GABRA2: variants seen among roughly 807,000 people sequenced by gnomAD.
GABRA2 encodes gamma-aminobutyric acid type A receptor subunit alpha2, also known as gamma-aminobutyric acid receptor subunit alpha-2.
A neutral mutation model predicts 48.7 loss-of-function variants in GABRA2; 16 were observed. That is an observed-to-expected ratio of 0.33 (90% confidence interval 0.22 to 0.50). GABRA2 has a LOEUF of 0.50. Among genes scored for constraint, GABRA2 ranks in the 20% least tolerant of loss-of-function variants. GABRA2 has a pLI of 0.98. For missense variants in GABRA2, 275 were observed against 535.6 expected (o/e 0.51, Z 4.80); for synonymous variants, 185 against 184.5 (o/e 1.00, Z -0.02).
chr4:46,254,452 G>A (rs534068852), intron 9 of GABRA2, among the ~76,000 whole-genome samples: 2 of 151,424 alleles, frequency 1.3e-5, no homozygotes, highest in South Asian at 2.1e-4. Flanking sequence ...AGAAAAGTTC[G>A]GATAGTTCTG....
chr4:46,318,891 A>G (rs1309815667), intron 4 of GABRA2, among the ~76,000 whole-genome samples: 1 of 151,428 alleles, frequency 6.6e-6, no homozygotes, highest in Non-Finnish European at 1.5e-5. Flanking sequence ...AAATCCATAC[A>G]CTCCAAGATT....
chr4:46,367,544 A>G (rs1714231196), intron 3 of GABRA2: 2 of 152,068 alleles, frequency 1.3e-5, no homozygotes, highest in Admixed American at 6.6e-5. Flanking sequence ...CAAATGGCAA[A>G]CCTCTTTATT....
At chr4:46,336,914 C>A (rs1025272280) in intron 3 of GABRA2, among the ~76,000 whole-genome samples, 1 of 151,974 alleles carries the variant, frequency 6.6e-6, no homozygotes, top group Non-Finnish European at 1.5e-5. Flanking sequence ...ATCCAAAATG[C>A]ACGTATAAAT....
At chr4:46,388,799 C>A in intron 1 of GABRA2, 83 bp from the exon 2 acceptor site, 3 of 1,591,830 alleles carry the variant, frequency 1.9e-6, no homozygotes, top group Non-Finnish European at 2.6e-6. Flanking sequence ...AAAGAATATC[C>A]TTTTAGTTAG....
intron 4 of GABRA2, among the ~76,000 whole-genome samples, chr4:46,328,028 T>C (rs1047446948): frequency 6.6e-6 from 1 of 151,752 alleles, no homozygotes. Context: ...ACATCCTATA[T>C]AGAAACCAAG....
intron 8 of GABRA2, among the ~76,000 whole-genome samples, chr4:46,296,281 G>A (rs950928791): frequency 1.3e-4 from 20 of 152,122 alleles, no homozygotes; most frequent in South Asian, 2.1e-4. Flanking sequence ...TCCTGTTCCC[G>A]TGACATTATG....
intron 4 of GABRA2, among the ~76,000 whole-genome samples, chr4:46,325,981 G>T (rs1730302443): frequency 6.6e-6 from 1 of 152,018 alleles, no homozygotes; most frequent in Middle Eastern, 3.4e-3. Context: ...CAGCCTTGTA[G>T]GGTAGTTTGA....
intron 3 of GABRA2, among the ~76,000 whole-genome samples, chr4:46,384,697 A>G (rs1717209224): frequency 6.6e-6 from 1 of 152,194 alleles, no homozygotes; most frequent in Admixed American, 6.5e-5. Context: ...GAATTATGGG[A>G]ACCTTACTTC....
intron 8 of GABRA2, among the ~76,000 whole-genome samples, chr4:46,293,726 C>A (rs550363390): frequency 6.6e-6 from 1 of 152,288 alleles, no homozygotes; most frequent in African/African-American, 2.4e-5. Flanking sequence ...AGAGCTGCCT[C>A]TACCTAGAAA....
At chr4:46,322,941 C>A (rs567780704) in intron 4 of GABRA2, among the ~76,000 whole-genome samples, 1 of 151,748 alleles carries the variant, frequency 6.6e-6, no homozygotes, top group Non-Finnish European at 1.5e-5. Flanking sequence ...ATCTAGGTAA[C>A]TATGTTAAAC....
intron 9 of GABRA2, among the ~76,000 whole-genome samples, chr4:46,258,571 G>C (rs567311568): frequency 6.6e-6 from 1 of 151,792 alleles, no homozygotes; most frequent in African/African-American, 2.4e-5. Context: ...AGAATTGACT[G>C]TCTTTAGGGA....
At chr4:46,331,359 C>T (rs561115150) in intron 4 of GABRA2, among the ~76,000 whole-genome samples, 2 of 152,080 alleles carry the variant, frequency 1.3e-5, no homozygotes, top group Non-Finnish European at 2.9e-5. Context: ...AGAGGTGTGG[C>T]TCTGATGGAA....
intron 3 of GABRA2, among the ~76,000 whole-genome samples, chr4:46,342,830 T>G (rs912583259): frequency 2.0e-5 from 3 of 151,946 alleles, no homozygotes; most frequent in Non-Finnish European, 2.9e-5. Context: ...TAATTTTTAT[T>G]TATTTATTTT....
intron 8 of GABRA2, among the ~76,000 whole-genome samples, chr4:46,291,607 A>G (rs957887189): frequency 6.6e-6 from 1 of 152,176 alleles, no homozygotes; most frequent in Middle Eastern, 3.4e-3. Flanking sequence ...TTAGCCTCCC[A>G]GCCTATATAT....
Position 46,284,324 on chromosome 4 carries a change from T to TC in GABRA2, c.856+19135_856+19136insG, listed in dbSNP as rs1722116343. ...GTTTGTATACTGTTAATGCATTGTC[T>TC]AGTCTCAGGAACCTCGAAAGCATAA... On this transcript the variant is annotated intron_variant, in intron 8 of 9. Transcript: ENST00000381620. Among the ~76,000 whole-genome samples the TC allele has an allele frequency of 2.0e-5, 3 of 152,320 alleles. No homozygotes were observed. In the South Asian group the frequency reaches 6.2e-4, roughly 32 times the overall value.
intron 8 of GABRA2, among the ~76,000 whole-genome samples, chr4:46,301,790 C>T (rs554812821): frequency 1.3e-5 from 2 of 152,238 alleles, no homozygotes; most frequent in African/African-American, 4.8e-5. Context: ...TCCCCTATAC[C>T]AAGTAATTGA....
intron 3 of GABRA2, 111 bp from the exon 4 acceptor site, chr4:46,332,793 A>G: frequency 1.7e-6 from 1 of 592,782 alleles, no homozygotes; most frequent in South Asian, 2.5e-5. Flanking sequence ...ATTCGGGAGT[A>G]CTGGGTTTTA....
chr4:46,337,869 TG>T (rs2109838696), intron 3 of GABRA2, among the ~76,000 whole-genome samples: 1 of 151,898 alleles, frequency 6.6e-6, no homozygotes, highest in African/African-American at 2.4e-5. Context: ...AGAGAGTAAG[TG>T]GAAAATATTC....
At chr4:46,345,476 T>C (rs1733994390) in intron 3 of GABRA2, among the ~76,000 whole-genome samples, 1 of 151,848 alleles carries the variant, frequency 6.6e-6, no homozygotes, top group Admixed American at 6.6e-5. Context: ...TTTATGTTCC[T>C]GAGAGCAACT....
Sources: allele counts gnomAD v4.1 joint callset (sites outside exome capture counted in the v4.1 genomes callset), GRCh38; gene constraint gnomAD v4.1.1; transcripts MANE v1.5; gene names NCBI Gene and HGNC (gene_info 2026-07-23, HGNC 2026-07-21).